SLIT3: variants seen among roughly 807,000 people sequenced by gnomAD.
SLIT3 encodes the protein slit guidance ligand 3.
SLIT3 carries 68 observed loss-of-function variants against 184.0 expected under a neutral mutation model. That is an observed-to-expected ratio of 0.37 (90% CI 0.30 to 0.45). The LOEUF is 0.45. SLIT3 is among the 20% of genes least tolerant of loss of function. The pLI, the probability that SLIT3 is intolerant of heterozygous loss-of-function variation, is 1.00. For synonymous variants in SLIT3, 831 were observed against 828.6 expected (o/e 1.00, Z -0.05); for missense variants, 1,707 against 2,026.0 (o/e 0.84, Z 3.02).
chr5:168,951,225 G>A (rs1415144761), intron 4 of SLIT3, among the ~76,000 whole-genome samples: 7 of 152,058 alleles, frequency 4.6e-5, no homozygotes, highest in Non-Finnish European at 5.9e-5. Context: ...CTCAAAACAC[G>A]AAACAAAACA....
At chr5:169,174,349 G>A (rs868036262) in intron 4 of SLIT3, among the ~76,000 whole-genome samples, 2 of 152,192 alleles carry the variant, frequency 1.3e-5, no homozygotes, top group African/African-American at 4.8e-5. Flanking sequence ...CAGCCCCTGC[G>A]ATAATTCCTA....
intron 31 of SLIT3, among the ~76,000 whole-genome samples, 164 bp downstream of exon 31, chr5:168,685,523 T>A (rs1404767901): frequency 6.6e-6 from 1 of 152,244 alleles, no homozygotes; most frequent in East Asian, 1.9e-4. Flanking sequence ...GGTCAGGAGT[T>A]ATCTATAGAA....
At chr5:169,135,636 G>T (rs184819769) in intron 4 of SLIT3, among the ~76,000 whole-genome samples, 1 of 152,138 alleles carries the variant, frequency 6.6e-6, no homozygotes, top group Non-Finnish European at 1.5e-5. Flanking sequence ...ATATGCTTCT[G>T]TTTCCTGAGT....
chr5:168,761,920 A>ATTTTT (rs546743393), intron 15 of SLIT3, among the ~76,000 whole-genome samples: 1,471 of 115,518 alleles, frequency 0.013, 39 homozygotes, highest in African/African-American at 0.046. Context: ...AAAAAAAAAA[A>ATTTTT]ATTTTTTTTT....
intron 20 of SLIT3, among the ~76,000 whole-genome samples, chr5:168,737,011 C>A (rs1267643628): frequency 2.0e-5 from 3 of 152,214 alleles, no homozygotes; most frequent in African/African-American, 7.2e-5. Context: ...GAAAACCCAG[C>A]ACAGCACTTG....
At chr5:169,185,652 C>T (rs769163304) in intron 4 of SLIT3, among the ~76,000 whole-genome samples, 1 of 152,212 alleles carries the variant, frequency 6.6e-6, no homozygotes, top group East Asian at 1.9e-4. Flanking sequence ...AGTTTAGTGC[C>T]GAATTGGAAG....
At chr5:169,292,605 A>T (rs1015322821) in intron 1 of SLIT3, among the ~76,000 whole-genome samples, 6 of 152,172 alleles carry the variant, frequency 3.9e-5, no homozygotes, top group Non-Finnish European at 8.8e-5. Flanking sequence ...TGCACAGAGA[A>T]CTCTGCTGAT....
intron 4 of SLIT3, among the ~76,000 whole-genome samples, chr5:168,956,946 A>G (rs1762847003): frequency 1.3e-5 from 2 of 150,708 alleles, no homozygotes; most frequent in Non-Finnish European, 3.0e-5. Context: ...CCACTTTAAA[A>G]AAAAAAAGGC....
intron 4 of SLIT3, among the ~76,000 whole-genome samples, chr5:168,997,156 C>T (rs189043660): frequency 3.9e-4 from 59 of 152,224 alleles, no homozygotes; most frequent in African/African-American, 1.3e-3. Context: ...TCTCTAAGAG[C>T]GACACCTGTA....
chr5:169,000,158 C>T (rs920569639), intron 4 of SLIT3, among the ~76,000 whole-genome samples: 3 of 151,964 alleles, frequency 2.0e-5, no homozygotes, highest in Non-Finnish European at 4.4e-5. Flanking sequence ...CTTTGGGAGG[C>T]TGAGGCAGGC....
intron 20 of SLIT3, among the ~76,000 whole-genome samples, chr5:168,725,471 G>A (rs1380733313): frequency 2.6e-5 from 4 of 152,198 alleles, no homozygotes; most frequent in Admixed American, 2.6e-4. Flanking sequence ...TGGCTTACAA[G>A]AACTGCTTTG....
intron 1 of SLIT3, among the ~76,000 whole-genome samples, chr5:169,263,946 G>C (rs1766301092): frequency 6.6e-6 from 1 of 150,484 alleles, no homozygotes; most frequent in African/African-American, 2.4e-5. Context: ...ATGTACACTA[G>C]GTTTCTCGGG....
intron 4 of SLIT3, among the ~76,000 whole-genome samples, chr5:169,043,656 T>A (rs1264156054): frequency 6.6e-6 from 1 of 152,242 alleles, no homozygotes. Flanking sequence ...TTTTAATTTC[T>A]TTCAAACAAG....
intron 6 of SLIT3, among the ~76,000 whole-genome samples, chr5:168,844,367 G>C (rs983458255): frequency 1.3e-5 from 2 of 152,146 alleles, no homozygotes; most frequent in African/African-American, 4.8e-5. Context: ...TTTGTGGGAG[G>C]TAAGAAATCA....
In SLIT3 at chr5:168,855,226, C is replaced by T. The variant is rs561180491; in HGVS notation, c.486-10571G>A. ...AAAATAATGAGAAACAATAAGTGCT[C>T]GGTGAGGATGTGGAGAAACTGGAAC... On this transcript the variant is annotated intron_variant, in intron 5 of 35. Transcript: ENST00000519560. Among the ~76,000 whole-genome samples, 12 of 152,162 alleles carry T rather than the reference C, an allele frequency of 7.9e-5. No homozygotes were observed. In the South Asian group the frequency reaches 8.3e-4, roughly 11 times the overall value.
At chr5:168,887,453 T>C (rs2113800017) in intron 4 of SLIT3, among the ~76,000 whole-genome samples, 1 of 152,334 alleles carries the variant, frequency 6.6e-6, no homozygotes, top group African/African-American at 2.4e-5. Flanking sequence ...ATCATTCAAG[T>C]TACTAAAATG....
At chr5:169,076,756 C>A (rs949535826) in intron 4 of SLIT3, among the ~76,000 whole-genome samples, 1 of 152,066 alleles carries the variant, frequency 6.6e-6, no homozygotes, top group African/African-American at 2.4e-5. Context: ...CAAGAATATT[C>A]TTTTTAAATT....
intron 9 of SLIT3, among the ~76,000 whole-genome samples, chr5:168,798,602 C>G (rs1275426140): frequency 6.6e-6 from 1 of 152,136 alleles, no homozygotes; most frequent in Non-Finnish European, 1.5e-5. Context: ...CCAGCCCCTC[C>G]TGGAGTGCCA....
At chr5:169,263,269 G>T (rs554135703) in intron 1 of SLIT3, among the ~76,000 whole-genome samples, 8 of 152,254 alleles carry the variant, frequency 5.3e-5, no homozygotes, top group African/African-American at 1.2e-4. Flanking sequence ...TTAAGCCCAG[G>T]GGGGCAGAGG....
Sources: gnomAD v4.1 joint callset for allele counts (sites outside exome capture counted in the v4.1 genomes callset) on GRCh38, gnomAD v4.1.1 for gene constraint, MANE v1.5 for transcripts, NCBI Gene and HGNC (gene_info 2026-07-23, HGNC 2026-07-21) for gene names.